Variants in AKAP8L observed in about 807,000 individuals in gnomAD.
AKAP8L encodes the protein A-kinase anchoring protein 8 like.
In AKAP8L, 34 loss-of-function variants were observed where a neutral mutation model predicts 77.5. The observed-to-expected ratio is 0.44, with a 90% CI of 0.33 to 0.58. The LOEUF is 0.58. AKAP8L is among the 20% of genes least tolerant of loss of function. The pLI is 0.02. For synonymous variants in AKAP8L, 342 were observed against 340.7 expected, an observed-to-expected ratio of 1.00 and a Z score of -0.04; for missense variants, 806 against 887.6, an observed-to-expected ratio of 0.91 and a Z score of 1.17.
chr19:15,404,679 A>G (rs867205316), intron 2 of AKAP8L, among the ~76,000 whole-genome samples: 2 of 152,206 alleles, frequency 1.3e-5, no homozygotes, highest in Non-Finnish European at 1.5e-5. Context: ...GAGGGCACAG[A>G]GCAGGTGACC....
intron 4 of AKAP8L, among the ~76,000 whole-genome samples, chr19:15,402,843 A>G (rs1332008134): frequency 6.6e-6 from 1 of 152,244 alleles, no homozygotes; most frequent in Non-Finnish European, 1.5e-5. Context: ...GCTTTGGAGT[A>G]GGGCAGATCT....
At position 15,403,418 on chromosome 19, in the gene AKAP8L, G is replaced by A; in HGVS notation, c.362+57C>T. ...GCACTCAGAGAGGAAAACGCAGTGG[G>A]CAGCAGGCAGGAGCCGCCCCTGCAG... On this transcript the variant is annotated intron_variant, in intron 4 of 13. Transcript: ENST00000397410. The surrounding 1 kb of genome is among the most constrained non-coding windows in gnomAD (Gnocchi z 4.3). 2.6e-6 allele frequency: 4 copies of A among 1,532,850 alleles called. No individual in the cohort carries two copies. Among genetic ancestry groups the A allele is most frequent in the South Asian group, 1.1e-5 (1 of 88,330 alleles). The allele number at this position is 1,532,850 out of a possible 1,614,324, so 95.0% of individuals were successfully genotyped here.
At chr19:15,415,810 T>C (rs867265526) in intron 1 of AKAP8L, among the ~76,000 whole-genome samples, 2 of 149,710 alleles carry the variant, frequency 1.3e-5, no homozygotes, top group Non-Finnish European at 3.0e-5. Context: ...GGCATGAACC[T>C]GGGAGGCGGA....
At position 15,380,324 on chromosome 19, in the gene AKAP8L, T is replaced by C; in HGVS notation, c.1739A>G (p.Glu580Gly). The stretch of plus-strand genomic sequence containing the variant: ...CTGCGCCGGCACGCCCTCTGCGCCC[T>C]CCGAGATCCCTGCCGCTTCGCCCTG... ...GAQGEAAGIS[E>G]GAEGVPAQPP... Residue 580 changes from glutamate (E) to glycine (G), a missense_variant, in exon 14 of 14, where the codon GAG becomes GGG. Around this residue, in one of 2 missense-constraint regions of AKAP8L, gnomAD observed 226 missense variants for 193.5 expected, o/e 1.17. Transcript: ENST00000397410. The C allele has an allele frequency of 6.5e-7, 1 of 1,538,112 alleles. No homozygotes were observed. The highest frequency in any genetic ancestry group is 8.7e-7 in the Non-Finnish European group (1 of 1,147,230).
chr19:15,395,983 C>CA (rs751904092), intron 12 of AKAP8L, among the ~76,000 whole-genome samples: 838 of 40,480 alleles, frequency 0.021, 33 homozygotes, highest in Non-Finnish European at 0.026. Flanking sequence ...GACTCCGTCT[C>CA]AAAAAAAAAA....
chr19:15,414,785 G>C (rs567215377), intron 1 of AKAP8L, among the ~76,000 whole-genome samples: 1 of 152,144 alleles, frequency 6.6e-6, no homozygotes, highest in East Asian at 1.9e-4. Flanking sequence ...ACCACGCCTA[G>C]CCCACGGATT....
Position 15,380,216 on chromosome 19 carries a change from A to ACGG in AKAP8L, c.1844_1846dup (p.Ala615dup). 6.6e-7 allele frequency: 1 copy of ACGG among 1,508,598 alleles called. No homozygotes were observed. The highest frequency in any genetic ancestry group is 8.8e-7 in the Non-Finnish European group (1 of 1,137,076). The allele number at this position is 1,508,598 out of a possible 1,614,324, so 93.5% of individuals were successfully genotyped here. On this transcript the variant is annotated inframe_insertion, in exon 14 of 14. Transcript: ENST00000397410. ...TTGCAGCGCCCCTCCCAGCAAGGGC[A>ACGG]CGGCGCCCTCCTCCTCCTCCTCTGG...
At chr19:15,416,808 A>C (rs530723031) in intron 1 of AKAP8L, among the ~76,000 whole-genome samples, 1 of 152,312 alleles carries the variant, frequency 6.6e-6, no homozygotes, top group South Asian at 2.1e-4. Context: ...CGTATAAATA[A>C]GGTAACAGGG....
intron 12 of AKAP8L, chr19:15,383,363 CCAT>C (rs1967458980): frequency 6.6e-6 from 1 of 152,110 alleles, no homozygotes; most frequent in Non-Finnish European, 1.5e-5. Context: ...GCACTCACCA[CCAT>C]GCTTGGCTAA....
In AKAP8L at chr19:15,399,063, G is replaced by A. The variant is rs753119940; in HGVS notation, c.1157+239C>T. On this transcript the variant is annotated intron_variant, in intron 9 of 13. Transcript: ENST00000397410. This position sits in a 1 kb window ranked among gnomAD's most constrained non-coding sequence, Gnocchi z 6.1. ...GCCAGAGCTTCTGAGCAACGGTGCCGAGCGGTGTCAGGTCTCGGCCCACAG... is the reference window on the plus strand; with the variant it reads ...GCCAGAGCTTCTGAGCAACGGTGCCAAGCGGTGTCAGGTCTCGGCCCACAG... The A allele has an allele frequency of 2.2e-5, 12 of 547,736 alleles. No homozygotes were observed. The highest frequency in any genetic ancestry group is 3.6e-5 in the Non-Finnish European group (11 of 306,356). The allele number at this position is 547,736 out of a possible 1,614,324, so 33.9% of individuals were successfully genotyped here. A position where few individuals can be genotyped will look rare whatever the true frequency, so the allele number is the denominator to read the frequency against.
chr19:15,393,403 G>A (rs1486216171), intron 12 of AKAP8L, among the ~76,000 whole-genome samples: 4 of 152,120 alleles, frequency 2.6e-5, no homozygotes, highest in African/African-American at 4.8e-5. Context: ...CACAGAATGG[G>A]TGAAAATATT....
chr19:15,399,469 G>T lies in AKAP8L; in HGVS notation c.1049-59C>A. 1 of 1,288,074 alleles carries T rather than the reference G, an allele frequency of 7.8e-7. No homozygotes were observed. The highest frequency in any genetic ancestry group is 1.1e-6 in the Non-Finnish European group (1 of 885,844). 79.8% of individuals were successfully genotyped at this position (1,288,074 alleles called of 1,614,324 possible). A position where few individuals can be genotyped will look rare whatever the true frequency, so the allele number is the denominator to read the frequency against. ...GCTCTGCCAGGACAGGGCAGGCCCT[G>T]CGGCCTCTGGCTGAATCACCCACTG... On this transcript the variant is annotated intron_variant, in intron 8 of 13. Transcript: ENST00000397410. This position sits in a 1 kb window ranked among gnomAD's most constrained non-coding sequence, Gnocchi z 6.1.
rs770470411 is a variant in AKAP8L, at chr19:15,401,020, C to T, written c.840G>A (p.Gln280=). 5 of 1,613,788 alleles carry T rather than the reference C, an allele frequency of 3.1e-6. No homozygotes were observed. The highest frequency in any genetic ancestry group is 4.2e-6 in the Non-Finnish European group (5 of 1,179,892). The change falls in exon 6 of 14, where the codon CAG becomes CAA. Residue 280 remains glutamine, a synonymous_variant. Transcript: ENST00000397410. The surrounding 1 kb of genome is among the most constrained non-coding windows in gnomAD (Gnocchi z 6.2). ...TATCTGGCTCATCAGGACTGCCGCC[C>T]TGCTTTCTCTTCTTCTTCTTGGTCT... is the stretch of plus-strand genomic sequence containing the variant. ...DFRTKKKKRK[Q]GGSPDEPDSK...
intron 7 of AKAP8L, 111 bp from the exon 8 acceptor site, chr19:15,400,469 A>G (rs753949240): frequency 6.2e-6 from 7 of 1,123,768 alleles, no homozygotes; most frequent in East Asian, 2.4e-5. Flanking sequence ...TGCTCCATAG[A>G]CAGAGCAGGG....
intron 2 of AKAP8L, 126 bp downstream of exon 2, chr19:15,410,394 C>T (rs1329798361): frequency 1.3e-6 from 1 of 765,826 alleles, no homozygotes; most frequent in Non-Finnish European, 2.1e-6. Context: ...TTCAAATGGC[C>T]ACACCATTTC....
chr19:15,388,396 T>G (rs1281765459), intron 12 of AKAP8L, among the ~76,000 whole-genome samples: 1 of 152,284 alleles, frequency 6.6e-6, no homozygotes, highest in African/African-American at 2.4e-5. Context: ...AGAAACTTCC[T>G]GTGACAGTGA....
rs911222107 is a variant in AKAP8L, at chr19:15,403,327, A to G, written c.362+148T>C. ...GAGGAGACACAAGTCAGAGACGGGA[A>G]GTGCAACGGACCCTGCTGGGAGCCA... On this transcript the variant is annotated intron_variant, in intron 4 of 13. Coordinates refer to ENST00000397410, the MANE Select transcript of AKAP8L (RefSeq NM_014371.4). The surrounding 1 kb of genome is among the most constrained non-coding windows in gnomAD (Gnocchi z 4.3). 1.4e-5 allele frequency: 10 copies of G among 705,128 alleles called. No homozygotes were observed. In the African/African-American group the frequency reaches 1.8e-4, roughly 12 times the overall value. 43.7% of individuals were successfully genotyped at this position (705,128 alleles called of 1,614,324 possible).
chr19:15,386,156 T>A (rs1406119466), intron 12 of AKAP8L, among the ~76,000 whole-genome samples: 1 of 151,518 alleles, frequency 6.6e-6, no homozygotes, highest in Non-Finnish European at 1.5e-5. Context: ...GTGATCCGCC[T>A]GCCTCGGCCT....
chr19:15,397,642 G>A lies in AKAP8L; in HGVS notation c.1300-17C>T. On this transcript the variant is annotated splice_polypyrimidine_tract_variant and intron_variant, in intron 10 of 13. Coordinates refer to ENST00000397410, the MANE Select transcript of AKAP8L (RefSeq NM_014371.4). This position sits in a 1 kb window ranked among gnomAD's most constrained non-coding sequence, Gnocchi z 4.7. ...GACGTACTCCTGCAAGGAATATAAAGGTTCATGTGGGCCGCCTTATGTTCT... is the reference window on the plus strand; with the variant it reads ...GACGTACTCCTGCAAGGAATATAAAAGTTCATGTGGGCCGCCTTATGTTCT... The A allele has an allele frequency of 1.2e-6, 2 of 1,613,932 alleles. No individual in the cohort carries two copies. Among genetic ancestry groups the A allele is most frequent in the East Asian group, 2.2e-5 (1 of 44,882 alleles).
Sources: allele counts gnomAD v4.1 joint callset (sites outside exome capture counted in the v4.1 genomes callset), GRCh38; gene constraint gnomAD v4.1.1; regional missense constraint gnomAD v4.1.1; non-coding constraint Gnocchi (gnomAD v3.1); transcripts MANE v1.5; gene names NCBI Gene and HGNC (gene_info 2026-07-23, HGNC 2026-07-21).